COX7C: variants seen among roughly 807,000 people sequenced by gnomAD.
The protein encoded by COX7C is cytochrome c oxidase subunit 7C.
In COX7C, 1 loss-of-function variant was observed where a neutral mutation model predicts 6.4. The ratio of observed to expected loss-of-function variants is 0.16; its 90% CI spans 0.06 to 0.74. The LOEUF (loss-of-function observed/expected upper bound fraction) is 0.74, where lower values mean the gene tolerates loss of function less well. Among genes scored for constraint, COX7C ranks in the 30% least tolerant of loss-of-function variants. COX7C has a pLI of 0.78. For missense variants in COX7C, 54 were observed against 73.7 expected (o/e 0.73, Z 0.98); for synonymous variants, 24 against 28.9 (o/e 0.83, Z 0.54).
intron 2 of COX7C, 46 bp from the exon 3 acceptor site, chr5:86,620,618 AAATG>A (rs1264333213): frequency 2.3e-6 from 1 of 432,886 alleles, no homozygotes; most frequent in Non-Finnish European, 4.7e-6. Context: ...GATTTCTGTT[AAATG>A]AATGGGATTT....
chr5:86,618,084 C>T lies in COX7C; in HGVS notation c.29C>T (p.Thr10Ile), dbSNP rs756232449. 1 of 1,614,120 alleles carries T rather than the reference C, an allele frequency of 6.2e-7. No homozygotes were observed. The highest frequency in any genetic ancestry group is 1.1e-5 in the South Asian group (1 of 91,080). The change falls in exon 1 of 3, where the codon ACA (threonine) becomes ATA (isoleucine). Residue 10 changes from threonine (T) to isoleucine (I), a missense_variant. Coordinates refer to ENST00000247655, the MANE Select transcript of COX7C (RefSeq NM_001867.3). The stretch of plus-strand genomic sequence containing the variant: ...TTGGGCCAGAGCATCCGGAGGTTCA[C>T]AACCTCTGTGGTCCGTAGGAGCCAC... Reference protein sequence around the residue: MLGQSIRRFTTSVVRRSHYE... With the variant: MLGQSIRRFITSVVRRSHYE...
At chr5:86,618,936 C>G (rs1179365631) in intron 1 of COX7C, among the ~76,000 whole-genome samples, 1 of 148,198 alleles carries the variant, frequency 6.7e-6, no homozygotes, top group Non-Finnish European at 1.5e-5. Context: ...GAGCCGAGAT[C>G]GGGCCACTGC....
Position 86,617,951 on chromosome 5 carries a change from C to A in COX7C, c.-105C>A. 1 of 1,048,424 alleles carries A rather than the reference C, an allele frequency of 9.5e-7. No individual in the cohort carries two copies. Among genetic ancestry groups the A allele is most frequent in the South Asian group, 1.4e-5 (1 of 73,000 alleles). 64.9% of individuals were successfully genotyped at this position (1,048,424 alleles called of 1,614,324 possible). Reference sequence around the variant, plus strand: ...CCATTTCCCATCTTTCTTTTCAGTCCTTGCGCACCGGGGAACAAGGTCGTG... The same window carrying A: ...CCATTTCCCATCTTTCTTTTCAGTCATTGCGCACCGGGGAACAAGGTCGTG... On this transcript the variant is annotated 5_prime_UTR_variant, in exon 1 of 3. Coordinates refer to ENST00000247655, the MANE Select transcript of COX7C (RefSeq NM_001867.3).
chr5:86,619,531 C>T (rs1281015165), intron 2 of COX7C, 35 bp downstream of exon 2: 1 of 1,087,286 alleles, frequency 9.2e-7, no homozygotes, highest in East Asian at 2.4e-5. Flanking sequence ...TTAAAGCAGG[C>T]CTTTTTATTA....
rs1750045488 is a variant in COX7C at position 86,618,356 on chromosome 5, C to CA, written c.75+227dup. On this transcript the variant is annotated intron_variant, in intron 1 of 2. Transcript: ENST00000247655. The stretch of plus-strand genomic sequence containing the variant: ...GTAGATCCGGAAGCCCTGCCTCCAT[C>CA]AGCCACCTGACGCCCCCTCCCCCGC... 1.6e-5 allele frequency: 8 copies of CA among 514,894 alleles called. No homozygotes were observed. The Admixed American group carries it at 2.7e-4, about 17-fold the overall frequency. The allele number at this position is 514,894 out of a possible 1,614,324, so 31.9% of individuals were successfully genotyped here.
At position 86,619,368 on chromosome 5, in the gene COX7C, G is replaced by A; in HGVS notation, c.91G>A (p.Val31Met). 1.2e-6 allele frequency: 2 copies of A among 1,611,804 alleles called. No individual in the cohort carries two copies. The highest frequency in any genetic ancestry group is 4.5e-5 in the East Asian group (2 of 44,836). ...TTTCCAACAGAATTTGCCATTTTCA[G>A]TGGAAAACAAGTGGTCGTTACTAGC... ...EGPGKNLPFS[V>M]ENKWSLLAKM... is the part of the protein sequence containing the mutation. Residue 31 changes from valine (V) to methionine (M), a missense_variant, in exon 2 of 3, where the codon GTG becomes ATG. Val to Met is a conservative substitution (Grantham distance 21). Coordinates refer to ENST00000247655, the MANE Select transcript of COX7C (RefSeq NM_001867.3).
intron 2 of COX7C, 24 bp downstream of exon 2, chr5:86,619,520 G>A: frequency 3.3e-6 from 4 of 1,197,946 alleles, no homozygotes; most frequent in South Asian, 1.2e-5. Flanking sequence ...TTCTAATCAT[G>A]TTAAAGCAGG....
Position 86,619,374 on chromosome 5 carries a change from A to C in COX7C, c.97A>C (p.Asn33His). 6.2e-7 allele frequency: 1 copy of C among 1,612,746 alleles called. No homozygotes were observed. Among genetic ancestry groups the C allele is most frequent in the Non-Finnish European group, 8.5e-7 (1 of 1,179,642 alleles). ...PGKNLPFSVENKWSLLAKMCL... is the reference protein window; with the variant it reads ...PGKNLPFSVEHKWSLLAKMCL... ...ACAGAATTTGCCATTTTCAGTGGAA[A>C]ACAAGTGGTCGTTACTAGCTAAGAT... Residue 33 changes from asparagine to histidine, a missense_variant, in exon 2 of 3, where the codon AAC (asparagine) becomes CAC (histidine). Physicochemically the swap from Asn to His is moderately conservative, Grantham distance 68. Transcript: ENST00000247655.
chr5:86,618,968 G>A (rs1225323039), intron 1 of COX7C, among the ~76,000 whole-genome samples: 1 of 145,876 alleles, frequency 6.9e-6, no homozygotes, highest in African/African-American at 2.6e-5. Flanking sequence ...GACAGAGCGG[G>A]ACTCCGTCTC....
chr5:86,618,442 C>G (rs545953141), intron 1 of COX7C: 139 of 324,908 alleles, frequency 4.3e-4, no homozygotes, highest in African/African-American at 2.5e-3. Flanking sequence ...TGGTTAAATC[C>G]GAGCTGGAGG....
chr5:86,620,576 A>G (rs1750101077), intron 2 of COX7C, 92 bp from the exon 3 acceptor site: 2 of 396,940 alleles, frequency 5.0e-6, no homozygotes, highest in South Asian at 1.7e-5. Flanking sequence ...GTACTACTCA[A>G]ACTGATAGAA....
chr5:86,618,036 G>T lies in COX7C; in HGVS notation c.-20G>T, dbSNP rs1750034044. On this transcript the variant is annotated 5_prime_UTR_variant, in exon 1 of 3. Transcript: ENST00000247655. ...TCTGTCCTCATTCTCTGCGCCTTTCGCAGAGCTTCCAGCAGCGGTATGTTG... is the reference window on the plus strand; with the variant it reads ...TCTGTCCTCATTCTCTGCGCCTTTCTCAGAGCTTCCAGCAGCGGTATGTTG... 1.2e-6 allele frequency: 2 copies of T among 1,612,750 alleles called. No homozygotes were observed. Among genetic ancestry groups the T allele is most frequent in the Non-Finnish European group, 1.7e-6 (2 of 1,179,742 alleles).
chr5:86,619,562 C>A, intron 2 of COX7C, 66 bp downstream of exon 2: 1 of 796,040 alleles, frequency 1.3e-6, no homozygotes, highest in South Asian at 1.4e-5. Flanking sequence ...TCCCCATCAC[C>A]CAGAACACAC....
intron 2 of COX7C, chr5:86,620,029 CTTGT>C (rs1298493069): frequency 6.6e-6 from 1 of 152,620 alleles, no homozygotes; most frequent in Non-Finnish European, 1.5e-5. Context: ...GCTTACAATA[CTTGT>C]TTAAGTTGTG....
intron 1 of COX7C, among the ~76,000 whole-genome samples, chr5:86,619,049 A>C (rs761534733): frequency 2.0e-5 from 3 of 151,928 alleles, no homozygotes; most frequent in Non-Finnish European, 4.4e-5. Flanking sequence ...TAAGGTGACT[A>C]CTTAGGACAG....
intron 1 of COX7C, 66 bp downstream of exon 1, chr5:86,618,196 A>C (rs1200664892): frequency 6.8e-7 from 1 of 1,460,044 alleles, no homozygotes; most frequent in Middle Eastern, 1.7e-4. Context: ...GCGCACCTGC[A>C]AGGCCGCCTC....
At chr5:86,620,251 G>A (rs1410619517) in intron 2 of COX7C, 2 of 152,420 alleles carry the variant, frequency 1.3e-5, no homozygotes, top group East Asian at 1.9e-4. Context: ...ATTTTTGATC[G>A]TTCCAACTTG....
chr5:86,620,329 C>T (rs1561268837), intron 2 of COX7C: 1 of 158,480 alleles, frequency 6.3e-6, no homozygotes, highest in Non-Finnish European at 1.4e-5. Flanking sequence ...AATATATGCT[C>T]AAAGGAGTCG....
At chr5:86,618,188 G>C in intron 1 of COX7C, 58 bp downstream of exon 1, 1 of 1,525,162 alleles carries the variant, frequency 6.6e-7, no homozygotes, top group Non-Finnish European at 9.1e-7. Context: ...TGTGACTCGC[G>C]CACCTGCAAG....
Sources: allele counts gnomAD v4.1 joint callset (sites outside exome capture counted in the v4.1 genomes callset), GRCh38; gene constraint gnomAD v4.1.1; transcripts MANE v1.5; gene names NCBI Gene and HGNC (gene_info 2026-07-23, HGNC 2026-07-21).